Variants in PCDHGA1 observed in about 807,000 individuals in gnomAD.
PCDHGA1 encodes the protein protocadherin gamma subfamily A, 1, also known as protocadherin gamma-A1.
A neutral mutation model predicts 58.0 loss-of-function variants in PCDHGA1; 32 were observed. The observed-to-expected ratio is 0.55, with a 90% CI of 0.42 to 0.74. The LOEUF (loss-of-function observed/expected upper bound fraction) is 0.74. Ranked by LOEUF, PCDHGA1 falls within the 30% of genes least tolerant of loss-of-function variation. The pLI is 0.00. For synonymous variants in PCDHGA1, 498 were observed against 501.1 expected, an observed-to-expected ratio of 0.99 and a Z score of 0.08; for missense variants, 1,205 against 1,182.3, an observed-to-expected ratio of 1.02 and a Z score of -0.28.
chr5:141,410,031 AG>A lies in PCDHGA1; in HGVS notation c.2421+76928del, dbSNP rs1303415196. ...GCCTGGCTGTCCTACCACGTGCTGCAGGCCAGTGAGCCCGGACTCTTCAGCC... is the reference window on the plus strand; with the variant it reads ...GCCTGGCTGTCCTACCACGTGCTGCAGCCAGTGAGCCCGGACTCTTCAGCC... On this transcript the variant is annotated intron_variant, in intron 1 of 3. Coordinates refer to ENST00000517417, the MANE Select transcript of PCDHGA1 (RefSeq NM_018912.3). 3.1e-6 allele frequency: 5 copies of A among 1,613,236 alleles called. No homozygotes were observed. In the South Asian group the frequency reaches 5.5e-5, roughly 18 times the overall value.
intron 1 of PCDHGA1, among the ~76,000 whole-genome samples, chr5:141,369,728 G>A (rs948180332): frequency 2.0e-5 from 3 of 152,180 alleles, no homozygotes; most frequent in Admixed American, 2.0e-4. Context: ...GAAGTTAGAA[G>A]TAAAGGAAAT....
intron 1 of PCDHGA1, chr5:141,371,305 T>G: frequency 6.2e-7 from 1 of 1,613,940 alleles, no homozygotes; most frequent in Non-Finnish European, 8.5e-7. Context: ...CTCACCACTA[T>G]TGGAGAACTG....
chr5:141,361,081 A>G, intron 1 of PCDHGA1: 1 of 1,613,948 alleles, frequency 6.2e-7, no homozygotes, highest in Non-Finnish European at 8.5e-7. Context: ...AAGTAGTTAC[A>G]CTCTGAGTAT....
chr5:141,422,052 CG>C (rs1282698929), intron 1 of PCDHGA1: 1 of 1,611,298 alleles, frequency 6.2e-7, no homozygotes, highest in South Asian at 1.1e-5. Context: ...AGGGAATCAA[CG>C]GGGAAGTAAT....
intron 1 of PCDHGA1, among the ~76,000 whole-genome samples, chr5:141,336,977 T>C (rs1361688477): frequency 6.6e-6 from 1 of 152,182 alleles, no homozygotes; most frequent in African/African-American, 2.4e-5. Context: ...AGGACTTGAA[T>C]AGACATTTCT....
At chr5:141,482,570 C>A (rs2099568543) in intron 1 of PCDHGA1, among the ~76,000 whole-genome samples, 1 of 144,954 alleles carries the variant, frequency 6.9e-6, no homozygotes, top group African/African-American at 2.6e-5. Context: ...ATCTGCATAG[C>A]ATAAGATGCA....
chr5:141,362,319 G>A (rs1561526450), intron 1 of PCDHGA1: 1 of 1,614,068 alleles, frequency 6.2e-7, no homozygotes, highest in Non-Finnish European at 8.5e-7. Flanking sequence ...ACTGTTTTCA[G>A]CCTGGTCTCA....
At chr5:141,436,611 C>T (rs893312137) in intron 1 of PCDHGA1, among the ~76,000 whole-genome samples, 1 of 152,126 alleles carries the variant, frequency 6.6e-6, no homozygotes, top group Non-Finnish European at 1.5e-5. Context: ...CTAGGGCTAA[C>T]AAAAATCTGA....
intron 1 of PCDHGA1, chr5:141,400,326 T>A: frequency 6.2e-7 from 1 of 1,614,104 alleles, no homozygotes; most frequent in Non-Finnish European, 8.5e-7. Flanking sequence ...AGTCTGGACC[T>A]GTGGTTCCCC....
In PCDHGA1 at chr5:141,409,944, C is replaced by T. The variant is rs779095634; in HGVS notation, c.2421+76839C>T. The T allele has an allele frequency of 6.2e-7, 1 of 1,613,302 alleles. No individual in the cohort carries two copies. The highest frequency in any genetic ancestry group is 1.7e-5 in the Admixed American group (1 of 60,024). On this transcript the variant is annotated intron_variant, in intron 1 of 3. Transcript: ENST00000517417. ...GCGTTCTTCGATATGGTACCTCGCTCTGCAGAGCCCGGCTACCTAGTGACT... is the reference window on the plus strand; with the variant it reads ...GCGTTCTTCGATATGGTACCTCGCTTTGCAGAGCCCGGCTACCTAGTGACT...
chr5:141,388,415 T>C, intron 1 of PCDHGA1: 2 of 1,613,894 alleles, frequency 1.2e-6, no homozygotes, highest in Non-Finnish European at 1.7e-6. Flanking sequence ...CCAGTGATCA[T>C]TTCTCACTGA....
intron 1 of PCDHGA1, among the ~76,000 whole-genome samples, chr5:141,483,997 T>G (rs2099590025): frequency 8.6e-5 from 6 of 69,516 alleles, no homozygotes; most frequent in East Asian, 4.4e-4. Context: ...TGCTGGGAGG[T>G]CTGGATGAGG....
chr5:141,367,052 A>G (rs936203558), intron 1 of PCDHGA1: 4 of 325,986 alleles, frequency 1.2e-5, no homozygotes, highest in African/African-American at 6.6e-5. Flanking sequence ...AATAGAAAAG[A>G]TGTTTTATTT....
chr5:141,353,607 C>A (rs1759331003), intron 1 of PCDHGA1, among the ~76,000 whole-genome samples: 1 of 152,158 alleles, frequency 6.6e-6, no homozygotes, highest in South Asian at 2.1e-4. Flanking sequence ...CTTAACCATT[C>A]CTAAATTATT....
At position 141,477,262 on chromosome 5, in the gene PCDHGA1, C is replaced by G; in HGVS notation, c.2422-17545C>G. On this transcript the variant is annotated intron_variant, in intron 1 of 3. Coordinates refer to ENST00000517417, the MANE Select transcript of PCDHGA1 (RefSeq NM_018912.3). The surrounding 1 kb of genome is among the most constrained non-coding windows in gnomAD (Gnocchi z 4.9). ...TCAGTGTGACTGACCTGGATGCTGG[C>G]GAGAACGGGCTGGTGACCTGCGAAG... The G allele has an allele frequency of 6.2e-7, 1 of 1,614,138 alleles. No homozygotes were observed.
Position 141,476,008 on chromosome 5 carries a change from G to T in PCDHGA1, c.2422-18799G>T. 1 of 1,282,144 alleles carries T rather than the reference G, an allele frequency of 7.8e-7. No homozygotes were observed. Among genetic ancestry groups the T allele is most frequent in the Non-Finnish European group, 1.1e-6 (1 of 935,996 alleles). 79.4% of individuals were successfully genotyped at this position (1,282,144 alleles called of 1,614,324 possible). On this transcript the variant is annotated intron_variant, in intron 1 of 3. Coordinates refer to ENST00000517417, the MANE Select transcript of PCDHGA1 (RefSeq NM_018912.3). This position sits in a 1 kb window ranked among gnomAD's most constrained non-coding sequence, Gnocchi z 7.6. ...CGAGCAAATCAACGGCATCCAGAAA[G>T]CCATGTCGGACTCGGCGCCCAGCGC... is the stretch of plus-strand genomic sequence containing the variant.
At chr5:141,374,174 A>T in intron 1 of PCDHGA1, 1 of 1,613,482 alleles carries the variant, frequency 6.2e-7, no homozygotes, top group South Asian at 1.1e-5. Flanking sequence ...GGCAGCGCAG[A>T]TCCGCTACTC....
In PCDHGA1 at chr5:141,486,017, A is replaced by G. The variant is rs746747518; in HGVS notation, c.2422-8790A>G. On this transcript the variant is annotated intron_variant, in intron 1 of 3. Transcript: ENST00000517417. The surrounding 1 kb of genome is among the most constrained non-coding windows in gnomAD (Gnocchi z 5.0). ...CAGTGGTAACGTCACCTTTTATTTC[A>G]GTGGTCATACCCCTGATCGTGTAAG... The G allele has an allele frequency of 6.2e-7, 1 of 1,614,176 alleles. No homozygotes were observed. The highest frequency in any genetic ancestry group is 1.7e-5 in the Admixed American group (1 of 60,026).
chr5:141,404,072 C>G, intron 1 of PCDHGA1: 3 of 1,613,626 alleles, frequency 1.9e-6, no homozygotes, highest in Non-Finnish European at 2.5e-6. Context: ...TGCTCATGAC[C>G]GAGACTCCGG....
Sources: gnomAD v4.1 joint callset for allele counts (sites outside exome capture counted in the v4.1 genomes callset) on GRCh38, gnomAD v4.1.1 for gene constraint, Gnocchi (gnomAD v3.1) non-coding constraint, MANE v1.5 for transcripts, NCBI Gene and HGNC (gene_info 2026-07-23, HGNC 2026-07-21) for gene names.